CPVL: variants seen among roughly 807,000 people sequenced by gnomAD.
CPVL encodes the protein probable serine carboxypeptidase CPVL.
In CPVL, 51 loss-of-function variants were observed where a neutral mutation model predicts 63.7. The observed-to-expected ratio is 0.80, with a 90% CI of 0.64 to 1.01. CPVL has a LOEUF of 1.01. CPVL is among the 50% of genes least tolerant of loss of function. The pLI, the probability that CPVL is intolerant of heterozygous loss-of-function variation, is 0.00. For synonymous variants in CPVL, 195 were observed against 206.0 expected (o/e 0.95, Z 0.46); for missense variants, 530 against 573.1 (o/e 0.92, Z 0.77).
exon 1 of CPVL, chr7:29,195,206 G>C (rs1254347314): frequency 2.1e-6 from 1 of 483,970 alleles, no homozygotes; most frequent in Non-Finnish European, 3.6e-6. Flanking sequence ...GTGGGAGAGC[G>C]GTGGTGCCCT....
intron 12 of CPVL, chr7:29,010,168 T>G (rs1318981650): frequency 6.6e-6 from 1 of 152,102 alleles, no homozygotes; most frequent in Admixed American, 6.5e-5. Context: ...ATCTAAACCT[T>G]GGGACTCTGG....
chr7:29,159,344 A>G (rs1003050779), intron 5 of CPVL, among the ~76,000 whole-genome samples: 46 of 152,330 alleles, frequency 3.0e-4, no homozygotes, highest in African/African-American at 1.1e-3. Context: ...TGCCTGCAGC[A>G]TCCTGGCATC....
intron 11 of CPVL, among the ~76,000 whole-genome samples, chr7:29,052,681 G>A (rs887141565): frequency 4.6e-5 from 7 of 152,102 alleles, no homozygotes; most frequent in African/African-American, 7.2e-5. Flanking sequence ...AGGTCGAGGC[G>A]GGCGGATCAT....
intron 11 of CPVL, among the ~76,000 whole-genome samples, chr7:29,052,760 T>C (rs1790318349): frequency 6.6e-6 from 1 of 151,990 alleles, no homozygotes; most frequent in Non-Finnish European, 1.5e-5. Flanking sequence ...ATATAAAAAA[T>C]TAGCCAGGTG....
chr7:29,165,600 A>G (rs925902908), intron 5 of CPVL, among the ~76,000 whole-genome samples: 1 of 152,212 alleles, frequency 6.6e-6, no homozygotes, highest in African/African-American at 2.4e-5. Context: ...TGACAAGTAG[A>G]AGTGATAGAA....
chr7:29,164,385 G>A (rs1795620154), intron 5 of CPVL, among the ~76,000 whole-genome samples: 1 of 152,032 alleles, frequency 6.6e-6, no homozygotes, highest in Non-Finnish European at 1.5e-5. Flanking sequence ...TATATAAAAT[G>A]CAAACCCTTC....
intron 1 of CPVL, among the ~76,000 whole-genome samples, chr7:29,189,052 G>T (rs1799067111): frequency 6.7e-6 from 1 of 149,780 alleles, no homozygotes. Flanking sequence ...CTGGGTTCAA[G>T]CAATTCTCCT....
upstream of CPVL, among the ~76,000 whole-genome samples, chr7:29,149,515 A>C (rs567292523): frequency 1.3e-5 from 2 of 152,266 alleles, no homozygotes; most frequent in South Asian, 4.2e-4. Context: ...TTTCTTAATG[A>C]AAGAGAATAA....
chr7:29,046,824 C>T (rs944008791), intron 11 of CPVL, among the ~76,000 whole-genome samples: 1 of 152,116 alleles, frequency 6.6e-6, no homozygotes, highest in Non-Finnish European at 1.5e-5. Context: ...TTCCTAGATT[C>T]TAGAGATACC....
chr7:29,097,514 G>A (rs1309563824), intron 3 of CPVL, among the ~76,000 whole-genome samples: 1 of 152,140 alleles, frequency 6.6e-6, no homozygotes, highest in Non-Finnish European at 1.5e-5. Context: ...GACCAACATG[G>A]CAAAACCCCA....
chr7:29,134,657 A>T (rs962770437), intron 1 of CPVL, among the ~76,000 whole-genome samples: 3 of 152,342 alleles, frequency 2.0e-5, no homozygotes, highest in Non-Finnish European at 4.4e-5. Flanking sequence ...TGATAAAAGG[A>T]CAGTGCAATT....
chr7:29,077,615 A>C (rs1784357504), intron 7 of CPVL, among the ~76,000 whole-genome samples: 1 of 152,202 alleles, frequency 6.6e-6, no homozygotes, highest in South Asian at 2.1e-4. Context: ...TCTTTGAAGA[A>C]TTCACTACTG....
chr7:29,195,444 CTTTG>C (rs563046725), upstream of CPVL: 149 of 166,732 alleles, frequency 8.9e-4, 1 homozygote, highest in African/African-American at 3.3e-3. Flanking sequence ...ACTTGATTTT[CTTTG>C]TTTGTTTCAG....
At chr7:29,083,310 G>A (rs1413878585) in intron 7 of CPVL, among the ~76,000 whole-genome samples, 5 of 152,198 alleles carry the variant, frequency 3.3e-5, no homozygotes, top group Non-Finnish European at 7.3e-5. Context: ...TTCCTCTGGA[G>A]ACCACTCATT....
At chr7:29,052,051 C>T (rs1039966658) in intron 11 of CPVL, among the ~76,000 whole-genome samples, 26 of 151,608 alleles carry the variant, frequency 1.7e-4, no homozygotes, top group African/African-American at 5.6e-4. Context: ...AACTCAGGAA[C>T]GGAAAATCAG....
At chr7:29,115,310 T>C (rs1354222585) in intron 2 of CPVL, among the ~76,000 whole-genome samples, 1 of 152,168 alleles carries the variant, frequency 6.6e-6, no homozygotes, top group Non-Finnish European at 1.5e-5. Context: ...CAGGGAAGAT[T>C]GCTTAATGCA....
intron 11 of CPVL, among the ~76,000 whole-genome samples, chr7:29,031,451 T>C (rs1338919969): frequency 6.6e-6 from 1 of 152,208 alleles, no homozygotes; most frequent in Non-Finnish European, 1.5e-5. Context: ...GGTAACTCTT[T>C]TCATTAATCC....
chr7:29,055,318 C>T (rs1019507344), intron 11 of CPVL, among the ~76,000 whole-genome samples: 99 of 152,162 alleles, frequency 6.5e-4, no homozygotes, highest in Non-Finnish European at 2.6e-4. Context: ...GGTGCAATCT[C>T]GGCTCACTGC....
At chr7:29,123,951 A>C (rs116449154) in intron 1 of CPVL, among the ~76,000 whole-genome samples, 12 of 152,186 alleles carry the variant, frequency 7.9e-5, no homozygotes, top group African/African-American at 2.4e-4. Context: ...AATTGGGTCA[A>C]TTTAGTAGAT....
Sources: allele counts gnomAD v4.1 joint callset (sites outside exome capture counted in the v4.1 genomes callset), GRCh38; gene constraint gnomAD v4.1.1; transcripts MANE v1.5; gene names NCBI Gene and HGNC (gene_info 2026-07-23, HGNC 2026-07-21).